CATSPERG: variants seen among roughly 807,000 people sequenced by gnomAD.
CATSPERG encodes cation channel sperm-associated auxiliary subunit gamma.
Under a neutral mutation model 145.0 loss-of-function variants are expected in CATSPERG, and 115 were observed. The ratio of observed to expected loss-of-function variants is 0.79; its 90% confidence interval spans 0.68 to 0.93. The LOEUF (loss-of-function observed/expected upper bound fraction) is 0.93, where lower values mean the gene tolerates loss of function less well. Among genes scored for constraint, CATSPERG ranks in the 40% least tolerant of loss-of-function variants. CATSPERG has a pLI of 0.00. For missense variants in CATSPERG, 1,296 were observed against 1,490.1 expected, an observed-to-expected ratio of 0.87 and a Z score of 2.14; for synonymous variants, 588 against 589.0, an observed-to-expected ratio of 1.00 and a Z score of 0.02.
intron 26 of CATSPERG, chr19:38,369,392 C>T (rs1313890390): frequency 5.4e-6 from 1 of 185,366 alleles, no homozygotes; most frequent in Non-Finnish European, 1.2e-5. Context: ...TCCTGTGTAG[C>T]TGGGATTACA....
chr19:38,351,756 TAAA>T (rs902742308), intron 7 of CATSPERG, among the ~76,000 whole-genome samples: 5 of 149,930 alleles, frequency 3.3e-5, no homozygotes, highest in African/African-American at 1.2e-4. Flanking sequence ...AAATAAAAAT[TAAA>T]AAATTAGCTA....
At chr19:38,353,999 AAAAAAAAAAAAAAAAAAAAG>A (rs1423119467) in intron 8 of CATSPERG, among the ~76,000 whole-genome samples, 2 of 148,184 alleles carry the variant, frequency 1.3e-5, no homozygotes, top group Non-Finnish European at 3.0e-5. Context: ...TCAAAAAAAA[AAAAAAAAAAAAAAAAAAAAG>A]ATACCAAAGC....
At chr19:38,358,845 T>TTTTTTG (rs984742858) in intron 13 of CATSPERG, among the ~76,000 whole-genome samples, 1 of 151,790 alleles carries the variant, frequency 6.6e-6, no homozygotes, top group South Asian at 2.1e-4. Context: ...TCTAGGGTTT[T>TTTTTTG]TTTTTGTTTT....
At chr19:38,357,566 T>C (rs770468475) in intron 11 of CATSPERG, among the ~76,000 whole-genome samples, 30 of 151,140 alleles carry the variant, frequency 2.0e-4, no homozygotes, top group Non-Finnish European at 4.0e-4. Flanking sequence ...CTTATAATCC[T>C]GGCACTTTGG....
At chr19:38,338,642 C>A (rs1371733595) in intron 3 of CATSPERG, among the ~76,000 whole-genome samples, 2 of 152,112 alleles carry the variant, frequency 1.3e-5, no homozygotes, top group African/African-American at 4.8e-5. Flanking sequence ...TCTGCATCAG[C>A]CTCTTGAATA....
At chr19:38,339,335 C>T (rs1395013124) in intron 3 of CATSPERG, among the ~76,000 whole-genome samples, 1 of 152,150 alleles carries the variant, frequency 6.6e-6, no homozygotes, top group Non-Finnish European at 1.5e-5. Flanking sequence ...ATTTTATGCC[C>T]TTGGCTTAGA....
At chr19:38,352,614 T>C in intron 8 of CATSPERG, 182 bp downstream of exon 8, 1 of 618,700 alleles carries the variant, frequency 1.6e-6, no homozygotes, top group Non-Finnish European at 2.8e-6. Flanking sequence ...TTTTTTTTTT[T>C]TTTTTGCTGG....
chr19:38,360,937 C>T lies in CATSPERG; in HGVS notation c.1880+94C>T, dbSNP rs114527286. 2,072 of 1,083,438 alleles carry T rather than the reference C, an allele frequency of 1.9e-3. 26 individuals are homozygous for T. In the African/African-American group the frequency reaches 0.029, roughly 15 times the overall value. The allele number at this position is 1,083,438 out of a possible 1,614,324, so 67.1% of individuals were successfully genotyped here. On this transcript the variant is annotated intron_variant, in intron 16 of 28. Coordinates refer to ENST00000409235, the MANE Select transcript of CATSPERG (RefSeq NM_021185.5). Reference sequence around the variant, plus strand: ...TTGAGAGAGGGGAGACCGAGCTAACCCCAGTGAAAACCTCAGGGCTATGAT... The same window carrying T: ...TTGAGAGAGGGGAGACCGAGCTAACTCCAGTGAAAACCTCAGGGCTATGAT...
At chr19:38,349,254 C>A (rs1363339851) in intron 7 of CATSPERG, 1 of 152,164 alleles carries the variant, frequency 6.6e-6, no homozygotes, top group Non-Finnish European at 1.5e-5. Flanking sequence ...ACCTGAGCCT[C>A]CCTAGTAGCT....
At chr19:38,361,576 A>G in intron 16 of CATSPERG, 72 bp from the exon 17 acceptor site, 2 of 1,242,934 alleles carry the variant, frequency 1.6e-6, no homozygotes, top group African/African-American at 1.5e-5. Context: ...GGGGTGGGAA[A>G]GAGGCCTGCG....
chr19:38,351,496 T>A (rs1970138848), intron 7 of CATSPERG, among the ~76,000 whole-genome samples: 1 of 151,848 alleles, frequency 6.6e-6, no homozygotes, highest in African/African-American at 2.4e-5. Flanking sequence ...TAGTCCCAGC[T>A]ACTCGGGAAG....
chr19:38,357,061 A>T (rs1167769560), intron 11 of CATSPERG, among the ~76,000 whole-genome samples, 200 bp downstream of exon 11: 1 of 152,070 alleles, frequency 6.6e-6, no homozygotes, highest in Non-Finnish European at 1.5e-5. Flanking sequence ...CAATAAAGAG[A>T]TTTTATTTTA....
chr19:38,336,087 C>T, intron 1 of CATSPERG: 1 of 384,174 alleles, frequency 2.6e-6, no homozygotes, highest in South Asian at 1.7e-5. Context: ...ACGTGAAGGG[C>T]GAAGGGCGGG....
intron 3 of CATSPERG, among the ~76,000 whole-genome samples, chr19:38,340,895 A>AG (rs34081686): frequency 1.3e-4 from 18 of 136,400 alleles, no homozygotes; most frequent in African/African-American, 2.5e-4. Flanking sequence ...GTTAGAAAGG[A>AG]GGGGGGGGCA....
At chr19:38,362,876 T>TTG in intron 20 of CATSPERG, 44 bp downstream of exon 20, 1 of 1,077,788 alleles carries the variant, frequency 9.3e-7, no homozygotes, top group Non-Finnish European at 1.3e-6. Flanking sequence ...GTTTTGTTTT[T>TTG]TTTTTTTTTT....
intron 7 of CATSPERG, 37 bp downstream of exon 7, chr19:38,346,642 T>A: frequency 2.6e-6 from 4 of 1,524,802 alleles, no homozygotes; most frequent in Non-Finnish European, 3.5e-6. Context: ...CGGGGCGTCT[T>A]GGAGGGAGCT....
chr19:38,354,647 G>A, intron 8 of CATSPERG, 63 bp from the exon 9 acceptor site: 3 of 1,577,314 alleles, frequency 1.9e-6, no homozygotes, highest in Non-Finnish European at 2.6e-6. Context: ...GGGAAATGTG[G>A]GCAGGGGGCA....
intron 6 of CATSPERG, among the ~76,000 whole-genome samples, chr19:38,345,291 C>G (rs1970022173): frequency 6.6e-6 from 1 of 151,762 alleles, no homozygotes; most frequent in South Asian, 2.1e-4. Context: ...GAGGCAAGGC[C>G]TCACTCTGCC....
chr19:38,337,631 C>T lies in CATSPERG; in HGVS notation c.309C>T (p.Tyr103=), dbSNP rs112634237. The T allele has an allele frequency of 7.1e-6, 11 of 1,551,742 alleles. No homozygotes were observed. The African/African-American group carries it at 1.2e-4, about 17-fold the overall frequency. Residue 103 remains tyrosine, a synonymous_variant, in exon 3 of 29, where the codon TAC becomes TAT. Transcript: ENST00000409235. The part of the protein sequence containing the change: ...LGFPYYLKIN[Y]SCEEKPSEDL... ...TCCCTTACTACCTGAAGATCAACTA[C>T]TCCTGCGAGGAAAAGGTGAGTGGGT...
Sources: allele counts gnomAD v4.1 joint callset (sites outside exome capture counted in the v4.1 genomes callset), GRCh38; gene constraint gnomAD v4.1.1; transcripts MANE v1.5; gene names NCBI Gene and HGNC (gene_info 2026-07-23, HGNC 2026-07-21).